The following NRG3 variants were observed in gnomAD, a reference collection of about 807,000 sequenced individuals.
NRG3 encodes the protein neuregulin 3, also known as pro-neuregulin-3, membrane-bound isoform.
Under a neutral mutation model 66.9 loss-of-function variants are expected in NRG3, and 31 were observed. The ratio of observed to expected loss-of-function variants is 0.46; its 90% confidence interval spans 0.35 to 0.63. The LOEUF is 0.63. Ranked by LOEUF, NRG3 falls within the 20% of genes least tolerant of loss-of-function variation. The pLI, the probability that NRG3 is intolerant of heterozygous loss-of-function variation, is 0.00. For synonymous variants in NRG3, 393 were observed against 359.4 expected (o/e 1.09, Z -1.06); for missense variants, 910 against 878.9 (o/e 1.04, Z -0.45).
At chr10:81,937,163 T>C (rs1257595174) in intron 1 of NRG3, among the ~76,000 whole-genome samples, 1 of 152,178 alleles carries the variant, frequency 6.6e-6, no homozygotes, top group Non-Finnish European at 1.5e-5. Flanking sequence ...ACGTGTTCTT[T>C]AACCATTCAT....
At chr10:82,147,223 T>C (rs1004072981) in intron 1 of NRG3, among the ~76,000 whole-genome samples, 3 of 152,158 alleles carry the variant, frequency 2.0e-5, no homozygotes, top group Non-Finnish European at 4.4e-5. Flanking sequence ...GTGAGATAGG[T>C]ATTATTATTG....
At chr10:82,309,762 C>T (rs1259523570) in intron 1 of NRG3, among the ~76,000 whole-genome samples, 1 of 152,174 alleles carries the variant, frequency 6.6e-6, no homozygotes, top group Non-Finnish European at 1.5e-5. Flanking sequence ...CCTGGAATCA[C>T]AGTGTCGGGG....
chr10:82,077,417 T>C (rs907252653), intron 1 of NRG3, among the ~76,000 whole-genome samples: 1 of 152,234 alleles, frequency 6.6e-6, no homozygotes, highest in Non-Finnish European at 1.5e-5. Context: ...TTCCACTCAG[T>C]TTAACAAATA....
chr10:81,875,305 C>T lies in NRG3; in HGVS notation c.-36C>T. 2 of 983,382 alleles carry T rather than the reference C, an allele frequency of 2.0e-6. No individual in the cohort carries two copies. The highest frequency in any genetic ancestry group is 2.4e-6 in the Non-Finnish European group (2 of 829,910). The allele number at this position is 983,382 out of a possible 1,614,324, so 60.9% of individuals were successfully genotyped here. A position where few individuals can be genotyped will look rare whatever the true frequency, so the allele number is the denominator to read the frequency against. Reference sequence around the variant, plus strand: ...GCGCGGCCCCATGCCTCTGCCGCGGCCCTCGGGGGGGCGAAGGTGAAGACC... The same window carrying T: ...GCGCGGCCCCATGCCTCTGCCGCGGTCCTCGGGGGGGCGAAGGTGAAGACC... On this transcript the variant is annotated 5_prime_UTR_variant, in exon 1 of 9. Coordinates refer to ENST00000372141, the MANE Select transcript of NRG3 (RefSeq NM_001010848.4). This position sits in a 1 kb window ranked among gnomAD's most constrained non-coding sequence, Gnocchi z 5.3.
intron 2 of NRG3, among the ~76,000 whole-genome samples, chr10:82,461,755 A>G (rs2091525737): frequency 6.6e-6 from 1 of 152,206 alleles, no homozygotes; most frequent in Non-Finnish European, 1.5e-5. Flanking sequence ...TGAATGAGGC[A>G]TATGGCATAA....
At chr10:82,979,792 A>G (rs1472099953) in intron 8 of NRG3, among the ~76,000 whole-genome samples, 1 of 152,202 alleles carries the variant, frequency 6.6e-6, no homozygotes, top group African/African-American at 2.4e-5. Flanking sequence ...AAACTGCCCA[A>G]CTAAACATGC....
chr10:82,222,449 G>A (rs2133790137), intron 1 of NRG3, among the ~76,000 whole-genome samples: 1 of 152,202 alleles, frequency 6.6e-6, no homozygotes, highest in South Asian at 2.1e-4. Context: ...CCTGTCTGAA[G>A]GACACAAAGG....
At chr10:82,946,650 G>A (rs1472807758) in intron 4 of NRG3, among the ~76,000 whole-genome samples, 1 of 152,106 alleles carries the variant, frequency 6.6e-6, no homozygotes, top group Non-Finnish European at 1.5e-5. Flanking sequence ...GGTGAGCAGT[G>A]TCATATCAGG....
chr10:82,300,762 G>C (rs948924812), intron 1 of NRG3, among the ~76,000 whole-genome samples: 1 of 152,124 alleles, frequency 6.6e-6, no homozygotes, highest in South Asian at 2.1e-4. Context: ...TGAAATGGTT[G>C]AATTTCACAT....
At chr10:82,818,300 G>T (rs369072220) in intron 3 of NRG3, among the ~76,000 whole-genome samples, 1 of 152,070 alleles carries the variant, frequency 6.6e-6, no homozygotes, top group African/African-American at 2.4e-5. Context: ...CCACTTGCTG[G>T]TTCTGGCCAG....
chr10:82,653,071 A>C (rs1236872778), intron 2 of NRG3, among the ~76,000 whole-genome samples: 2 of 152,338 alleles, frequency 1.3e-5, no homozygotes, highest in East Asian at 1.9e-4. Context: ...AGTATATTTT[A>C]TTATCATAGT....
At chr10:82,837,147 G>A (rs1489098877) in intron 3 of NRG3, among the ~76,000 whole-genome samples, 2 of 152,104 alleles carry the variant, frequency 1.3e-5, no homozygotes, top group Non-Finnish European at 2.9e-5. Context: ...TATCGTTGTT[G>A]GACATTTGGC....
intron 7 of NRG3, among the ~76,000 whole-genome samples, chr10:82,977,881 T>G (rs567431403): frequency 2.6e-5 from 4 of 152,300 alleles, no homozygotes; most frequent in African/African-American, 9.6e-5. Flanking sequence ...CCAAATAATA[T>G]AGTAATATGG....
intron 3 of NRG3, among the ~76,000 whole-genome samples, chr10:82,852,200 G>A (rs919001068): frequency 1.3e-4 from 19 of 151,994 alleles, no homozygotes; most frequent in Non-Finnish European, 2.5e-4. Context: ...AAGATACTTC[G>A]TATCTTAAGA....
At chr10:82,722,504 T>C (rs1022527317) in intron 2 of NRG3, among the ~76,000 whole-genome samples, 23 of 152,192 alleles carry the variant, frequency 1.5e-4, no homozygotes, top group Admixed American at 9.2e-4. Flanking sequence ...GTGTATTTTT[T>C]AGTTTTAAAA....
rs547133881 is a variant in NRG3, at chr10:82,589,540, G to A, written c.954-149037G>A. Among the ~76,000 whole-genome samples the A allele has an allele frequency of 2.5e-4, 38 of 151,998 alleles. No individual in the cohort carries two copies. In the South Asian group the frequency reaches 7.9e-3, roughly 32 times the overall value. ...CATTGCTAAAAAACTGGTAATGAGG[G>A]GCAATTCTGCTTCATTTCAATATTT... On this transcript the variant is annotated intron_variant, in intron 2 of 8. Coordinates refer to ENST00000372141, the MANE Select transcript of NRG3 (RefSeq NM_001010848.4).
chr10:81,875,826 G>A lies in NRG3; in HGVS notation c.486G>A (p.Thr162=), dbSNP rs1347433291. Residue 162 remains threonine (T), a synonymous_variant, in exon 1 of 9, where the codon ACG becomes ACA. Transcript: ENST00000372141. This position sits in a 1 kb window ranked among gnomAD's most constrained non-coding sequence, Gnocchi z 5.3. ...NRISTRLTTI[T]RAPTRFPGHR... The stretch of plus-strand genomic sequence containing the variant: ...TTAGCACTCGCCTGACCACCATCAC[G>A]CGGGCGCCCACTCGCTTCCCCGGGC... The A allele has an allele frequency of 6.2e-7, 1 of 1,609,010 alleles. No homozygotes were observed.
intron 1 of NRG3, among the ~76,000 whole-genome samples, chr10:82,336,145 T>C (rs1268539609): frequency 6.6e-6 from 1 of 152,132 alleles, no homozygotes; most frequent in Non-Finnish European, 1.5e-5. Context: ...TAAATCTGAT[T>C]CTTTGTGAAG....
chr10:82,184,493 A>G (rs986345111), intron 1 of NRG3, among the ~76,000 whole-genome samples: 2 of 152,294 alleles, frequency 1.3e-5, no homozygotes, highest in East Asian at 1.9e-4. Context: ...TTTTGAAGGC[A>G]TGCTCAAAGA....
Sources: allele counts gnomAD v4.1 joint callset (sites outside exome capture counted in the v4.1 genomes callset), GRCh38; gene constraint gnomAD v4.1.1; non-coding constraint Gnocchi (gnomAD v3.1); transcripts MANE v1.5; gene names NCBI Gene and HGNC (gene_info 2026-07-23, HGNC 2026-07-21).